Variants in ITPKB observed in about 807,000 individuals in gnomAD.
The protein encoded by ITPKB is IP3 3-kinase B.
Under a neutral mutation model 69.4 loss-of-function variants are expected in ITPKB, and 13 were observed. The observed-to-expected ratio is 0.19, with a 90% confidence interval of 0.12 to 0.30. The LOEUF is 0.30. ITPKB is among the 10% of genes least tolerant of loss of function. The pLI is 1.00. For missense variants in ITPKB, 1,240 were observed against 1,250.5 expected (o/e 0.99, Z 0.13); for synonymous variants, 584 against 513.7 (o/e 1.14, Z -1.85).
chr1:226,703,678 G>T (rs762444695), intron 2 of ITPKB, among the ~76,000 whole-genome samples: 3 of 152,244 alleles, frequency 2.0e-5, no homozygotes, highest in Admixed American at 6.5e-5. Context: ...AGAGGCAGTA[G>T]CGGGGCTTGA....
At chr1:226,671,350 G>C (rs921811192) in intron 2 of ITPKB, among the ~76,000 whole-genome samples, 1 of 152,216 alleles carries the variant, frequency 6.6e-6, no homozygotes, top group Non-Finnish European at 1.5e-5. Flanking sequence ...TGAGGGCAGG[G>C]ACCGTGGAAT....
intron 2 of ITPKB, among the ~76,000 whole-genome samples, chr1:226,672,008 G>A (rs565092469): frequency 4.6e-5 from 7 of 152,314 alleles, no homozygotes; most frequent in Non-Finnish European, 8.8e-5. Context: ...AAAGGCTCAC[G>A]CTGCTTCTGT....
intron 4 of ITPKB, among the ~76,000 whole-genome samples, chr1:226,644,864 A>G (rs1487280397): frequency 6.6e-6 from 1 of 152,212 alleles, no homozygotes; most frequent in Non-Finnish European, 1.5e-5. Flanking sequence ...CCTGCAGCCA[A>G]GGGTTCTGGA....
At chr1:226,698,700 A>G (rs991582048) in intron 2 of ITPKB, among the ~76,000 whole-genome samples, 3 of 152,248 alleles carry the variant, frequency 2.0e-5, no homozygotes, top group African/African-American at 7.2e-5. Flanking sequence ...GGTTATGGAA[A>G]GCAGCATCCC....
chr1:226,693,172 G>A (rs1656398807), intron 2 of ITPKB, among the ~76,000 whole-genome samples: 1 of 152,342 alleles, frequency 6.6e-6, no homozygotes, highest in Non-Finnish European at 1.5e-5. Flanking sequence ...ACAGCACCCA[G>A]CTCTGCTTTC....
At chr1:226,683,433 G>C (rs1230223702) in intron 2 of ITPKB, among the ~76,000 whole-genome samples, 1 of 152,126 alleles carries the variant, frequency 6.6e-6, no homozygotes. Context: ...GAAAACAGAG[G>C]CTCAGGCAGA....
intron 2 of ITPKB, among the ~76,000 whole-genome samples, chr1:226,719,010 C>T (rs1425050991): frequency 1.3e-5 from 2 of 152,202 alleles, no homozygotes; most frequent in South Asian, 4.1e-4. Flanking sequence ...CACGATGGCT[C>T]GTGCCTGTAA....
At position 226,641,451 on chromosome 1, in the gene ITPKB, A is replaced by T. The variant is rs1216535596; in HGVS notation, c.2451+470T>A. Among the ~76,000 whole-genome samples, 1 of 152,254 alleles carries T rather than the reference A, an allele frequency of 6.6e-6. No homozygotes were observed. Among genetic ancestry groups the T allele is most frequent in the Non-Finnish European group, 1.5e-5 (1 of 68,048 alleles). ...CTATTTCTGTTCCAATAAATATTTT[A>T]AAATTTCCAAAAAAAGATCGAAGAG... On this transcript the variant is annotated intron_variant, in intron 5 of 7. Transcript: ENST00000429204. The surrounding 1 kb of genome is among the most constrained non-coding windows in gnomAD (Gnocchi z 4.6).
At chr1:226,703,717 T>TC (rs1656735747) in intron 2 of ITPKB, among the ~76,000 whole-genome samples, 1 of 152,188 alleles carries the variant, frequency 6.6e-6, no homozygotes, top group South Asian at 2.1e-4. Context: ...TGGCTTGCGC[T>TC]CCCCCAGGCG....
chr1:226,667,864 G>A (rs1023957388), intron 2 of ITPKB, among the ~76,000 whole-genome samples: 6 of 151,624 alleles, frequency 4.0e-5, no homozygotes, highest in Admixed American at 6.5e-5. Flanking sequence ...GCGCGCGCGC[G>A]TGCGAAGTGG....
rs762237211 is a variant in ITPKB at position 226,647,172 on chromosome 1, T to C, written c.2241A>G (p.Gly747=). 7 of 1,614,090 alleles carry C rather than the reference T, an allele frequency of 4.3e-6. No individual in the cohort carries two copies. The highest frequency in any genetic ancestry group is 1.1e-5 in the South Asian group (1 of 91,080). Residue 747 remains glycine, a synonymous_variant, in exon 4 of 8, where the codon GGA becomes GGG. Transcript: ENST00000429204. ...CTGCGAGAAGCCTGGCTCACCTGAT[T>C]CCCATCTTGCAGTCCATCACACAGG... ...DSPCVMDCKM[G]IRTYLEEELT... is the part of the protein sequence containing the mutation.
At chr1:226,734,640 C>T (rs1312671240) in intron 2 of ITPKB, among the ~76,000 whole-genome samples, 6 of 152,308 alleles carry the variant, frequency 3.9e-5, no homozygotes, top group East Asian at 3.9e-4. Flanking sequence ...CTGTAAGATA[C>T]TCTGATCCTC....
chr1:226,640,761 G>A (rs1452989358), intron 5 of ITPKB, among the ~76,000 whole-genome samples: 1 of 152,122 alleles, frequency 6.6e-6, no homozygotes, highest in Admixed American at 6.5e-5. Flanking sequence ...AAGAGGGAAG[G>A]GCTGGTTTCA....
At chr1:226,646,182 T>TG (rs1317693130) in intron 4 of ITPKB, among the ~76,000 whole-genome samples, 6 of 152,086 alleles carry the variant, frequency 3.9e-5, no homozygotes, top group Non-Finnish European at 5.9e-5. Context: ...CAAGGAAGCA[T>TG]GGGGGGGCTT....
At chr1:226,729,483 A>G (rs966051881) in intron 2 of ITPKB, among the ~76,000 whole-genome samples, 1 of 146,436 alleles carries the variant, frequency 6.8e-6, no homozygotes, top group African/African-American at 2.5e-5. Flanking sequence ...CTCCACCTCA[A>G]AAAAAAAAAA....
At chr1:226,728,994 C>T (rs1219441033) in intron 2 of ITPKB, among the ~76,000 whole-genome samples, 1 of 152,082 alleles carries the variant, frequency 6.6e-6, no homozygotes, top group Non-Finnish European at 1.5e-5. Flanking sequence ...TTTTTTCTCT[C>T]CTTCATTCAT....
intron 2 of ITPKB, among the ~76,000 whole-genome samples, chr1:226,679,545 G>C (rs1194245062): frequency 6.6e-6 from 1 of 152,230 alleles, no homozygotes; most frequent in Admixed American, 6.5e-5. Context: ...AAAAAGCTGA[G>C]TTGTGGGGAC....
chr1:226,675,880 CTCAACCCACCTTACTTGTA>C (rs1669720814), intron 2 of ITPKB, among the ~76,000 whole-genome samples: 1 of 152,224 alleles, frequency 6.6e-6, no homozygotes, highest in Non-Finnish European at 1.5e-5. Context: ...TGTGCACTTC[CTCAACCCACCTTACTTGTA>C]ATTCTGCCCA....
chr1:226,642,118 G>A lies in ITPKB; in HGVS notation c.2254C>T (p.Leu752=), dbSNP rs746493731. The A allele has an allele frequency of 1.4e-5, 22 of 1,613,220 alleles. 1 individual carries two copies. Among genetic ancestry groups the A allele is most frequent in the East Asian group, 4.5e-5 (2 of 44,854 alleles). ...MDCKMGIRTY[L]EEELTKARKK... ...CGGGCCTTCGTGAGCTCCTCCTCCA[G>A]GTAGGTCCTACGTGGGAGGGAAGGC... Residue 752 remains leucine (L), a synonymous_variant, in exon 5 of 8, where the codon CTG becomes TTG. Coordinates refer to ENST00000429204, the MANE Select transcript of ITPKB (RefSeq NM_002221.4). This position sits in a 1 kb window ranked among gnomAD's most constrained non-coding sequence, Gnocchi z 6.4.
Sources: allele counts gnomAD v4.1 joint callset (sites outside exome capture counted in the v4.1 genomes callset), GRCh38; gene constraint gnomAD v4.1.1; non-coding constraint Gnocchi (gnomAD v3.1); transcripts MANE v1.5; gene names NCBI Gene and HGNC (gene_info 2026-07-23, HGNC 2026-07-21).